Variants in DOK6 observed in about 807,000 individuals in gnomAD.
DOK6 encodes the protein docking protein 6, also known as downstream of tyrosine kinase 6.
Under a neutral mutation model 44.0 loss-of-function variants are expected in DOK6, and 22 were observed. The observed-to-expected ratio is 0.50, with a 90% confidence interval of 0.36 to 0.71. DOK6 has a LOEUF of 0.71. Ranked by LOEUF, DOK6 falls within the 30% of genes least tolerant of loss-of-function variation. The pLI, the probability that DOK6 is intolerant of heterozygous loss-of-function variation, is 0.00. For synonymous variants in DOK6, 166 were observed against 145.5 expected, an observed-to-expected ratio of 1.14 and a Z score of -1.01; for missense variants, 340 against 416.4, an observed-to-expected ratio of 0.82 and a Z score of 1.60.
chr18:69,615,226 C>T (rs1984258089), intron 3 of DOK6, among the ~76,000 whole-genome samples: 1 of 152,116 alleles, frequency 6.6e-6, no homozygotes, highest in Non-Finnish European at 1.5e-5. Context: ...TAGGGTATGA[C>T]ATTAGAAAAA....
rs1335823862 is a variant in DOK6, at chr18:69,740,955, ATGT to A, written c.738+1859_738+1861del. 7.9e-5 allele frequency among the ~76,000 whole-genome samples: 12 copies of A among 152,332 alleles called. 1 individual carries two copies. The highest frequency in any genetic ancestry group is 4.1e-4 in the South Asian group (2 of 4,828). ...AAAACTTAATTCACTTTTGTTGTTG[ATGT>A]TGTTGTATGTTTCTCGTGTCCTGTG... On this transcript the variant is annotated intron_variant, in intron 6 of 7. Coordinates refer to ENST00000382713, the MANE Select transcript of DOK6 (RefSeq NM_152721.6).
At chr18:69,655,958 A>T (rs1024066972) in intron 3 of DOK6, among the ~76,000 whole-genome samples, 1 of 152,138 alleles carries the variant, frequency 6.6e-6, no homozygotes, top group Admixed American at 6.6e-5. Context: ...GGAAAGAGGC[A>T]GAAGTCAAAA....
intron 7 of DOK6, among the ~76,000 whole-genome samples, chr18:69,800,694 A>G (rs1337448449): frequency 6.6e-6 from 1 of 152,136 alleles, no homozygotes; most frequent in Non-Finnish European, 1.5e-5. Flanking sequence ...ACAGTGGTTC[A>G]TATCACATGC....
intron 1 of DOK6, among the ~76,000 whole-genome samples, chr18:69,557,678 G>A (rs1226440792): frequency 6.6e-6 from 1 of 152,088 alleles, no homozygotes; most frequent in Admixed American, 6.6e-5. Flanking sequence ...AATCGGAGGG[G>A]CACCTAGGAG....
rs952759289 is a variant in DOK6 at position 69,843,342 on chromosome 18, T to A, written c.*1959T>A. 6.6e-6 allele frequency: 1 copy of A among 152,266 alleles called. No individual in the cohort carries two copies. The highest frequency in any genetic ancestry group is 1.5e-5 in the Non-Finnish European group (1 of 68,048). The allele number at this position is 152,266 out of a possible 1,614,324, so 9.4% of individuals were successfully genotyped here. A position where few individuals can be genotyped will look rare whatever the true frequency, so the allele number is the denominator to read the frequency against. On this transcript the variant is annotated 3_prime_UTR_variant, in exon 8 of 8. Transcript: ENST00000382713. ...AACACTTGTGAATTTCTTTTGCACA[T>A]GGCATTTGCTTTTGAAATGCCTTTA...
chr18:69,646,699 A>G (rs1985081786), intron 3 of DOK6, among the ~76,000 whole-genome samples: 1 of 152,182 alleles, frequency 6.6e-6, no homozygotes, highest in South Asian at 2.1e-4. Context: ...TTCCTTTACC[A>G]CCAAACGTCT....
At chr18:69,574,358 A>G (rs965990606) in intron 2 of DOK6, among the ~76,000 whole-genome samples, 1 of 152,026 alleles carries the variant, frequency 6.6e-6, no homozygotes. Flanking sequence ...AAATTTTACA[A>G]TCTGATGAAG....
intron 7 of DOK6, among the ~76,000 whole-genome samples, chr18:69,796,261 TACAA>T (rs1407196404): frequency 6.6e-6 from 1 of 152,164 alleles, no homozygotes; most frequent in East Asian, 1.9e-4. Flanking sequence ...GATCCACATT[TACAA>T]ACAATTTCTC....
chr18:69,723,161 A>G (rs2144725191), intron 5 of DOK6, among the ~76,000 whole-genome samples: 1 of 152,348 alleles, frequency 6.6e-6, no homozygotes, highest in South Asian at 2.1e-4. Context: ...CATCATCTGC[A>G]TGCTCTGCTG....
In DOK6 at chr18:69,493,209, T is replaced by C. The variant is rs553472581; in HGVS notation, c.67-71278T>C. ...CACTTTAAAAGATTATAAAATATTT[T>C]AAAAGACATTACCTTATTTAATCCC... On this transcript the variant is annotated intron_variant, in intron 1 of 7. Transcript: ENST00000382713. Among the ~76,000 whole-genome samples, 146 of 152,274 alleles carry C rather than the reference T, an allele frequency of 9.6e-4. 2 individuals are homozygous for C. The highest frequency in any genetic ancestry group is 3.2e-3 in the African/African-American group (134 of 41,574).
At chr18:69,518,557 T>A (rs940628943) in intron 1 of DOK6, among the ~76,000 whole-genome samples, 3 of 150,848 alleles carry the variant, frequency 2.0e-5, no homozygotes, top group African/African-American at 4.9e-5. Context: ...CAGTAGGTTA[T>A]CACAGTTGAG....
chr18:69,413,376 A>G (rs1911110977), intron 1 of DOK6, among the ~76,000 whole-genome samples: 1 of 152,106 alleles, frequency 6.6e-6, no homozygotes, highest in Non-Finnish European at 1.5e-5. Flanking sequence ...TACTCTGTTC[A>G]AACATGGGGA....
At chr18:69,497,963 A>G (rs1198304723) in intron 1 of DOK6, among the ~76,000 whole-genome samples, 2 of 151,570 alleles carry the variant, frequency 1.3e-5, no homozygotes, top group Non-Finnish European at 2.9e-5. Context: ...GTACTCCAGC[A>G]TGGGCAACAG....
At chr18:69,705,532 A>G (rs972026317) in intron 5 of DOK6, among the ~76,000 whole-genome samples, 3 of 152,180 alleles carry the variant, frequency 2.0e-5, no homozygotes, top group Non-Finnish European at 4.4e-5. Flanking sequence ...CAAAGAATTA[A>G]CAGATTATAA....
chr18:69,596,831 G>A (rs927091475), intron 2 of DOK6, among the ~76,000 whole-genome samples: 4 of 152,126 alleles, frequency 2.6e-5, no homozygotes, highest in African/African-American at 9.6e-5. Context: ...AAAACAATAC[G>A]TATATAATGT....
chr18:69,451,737 T>C (rs1979472680), intron 1 of DOK6, among the ~76,000 whole-genome samples: 1 of 120,116 alleles, frequency 8.3e-6, no homozygotes, highest in Admixed American at 9.6e-5. Context: ...GCAATCAAAC[T>C]AGAACTCAGG....
At chr18:69,727,426 C>T (rs879890801) in intron 5 of DOK6, among the ~76,000 whole-genome samples, 6 of 152,100 alleles carry the variant, frequency 3.9e-5, no homozygotes, top group Non-Finnish European at 7.4e-5. Flanking sequence ...TTGTGTGTGG[C>T]TTTCTGACAA....
At chr18:69,539,330 T>C (rs1238949496) in intron 1 of DOK6, among the ~76,000 whole-genome samples, 2 of 152,210 alleles carry the variant, frequency 1.3e-5, no homozygotes, top group African/African-American at 4.8e-5. Context: ...TTCATTTTGG[T>C]AGATTCTGCC....
intron 2 of DOK6, among the ~76,000 whole-genome samples, chr18:69,588,539 T>A (rs1467477687): frequency 2.0e-5 from 3 of 152,108 alleles, no homozygotes; most frequent in South Asian, 2.1e-4. Context: ...TCTAGTCACA[T>A]CACATTAGCC....
Sources: gnomAD v4.1 joint callset for allele counts (sites outside exome capture counted in the v4.1 genomes callset) on GRCh38, gnomAD v4.1.1 for gene constraint, MANE v1.5 for transcripts, NCBI Gene and HGNC (gene_info 2026-07-23, HGNC 2026-07-21) for gene names.